KATNIP: variants seen among roughly 807,000 people sequenced by gnomAD.
The protein encoded by KATNIP is katanin interacting protein, also known as katanin-interacting protein.
Under a neutral mutation model 174.0 loss-of-function variants are expected in KATNIP, and 126 were observed. That is an observed-to-expected ratio of 0.72 (90% CI 0.63 to 0.84). The LOEUF (loss-of-function observed/expected upper bound fraction) is 0.84. Ranked by LOEUF, KATNIP falls within the 40% of genes least tolerant of loss-of-function variation. The pLI, the probability that KATNIP is intolerant of heterozygous loss-of-function variation, is 0.00. For missense variants in KATNIP, 1,958 were observed against 2,109.7 expected (o/e 0.93, Z 1.41); for synonymous variants, 810 against 835.7 (o/e 0.97, Z 0.53).
At chr16:27,645,848 C>G (rs2076943581) in intron 5 of KATNIP, among the ~76,000 whole-genome samples, 1 of 152,194 alleles carries the variant, frequency 6.6e-6, no homozygotes, top group South Asian at 2.1e-4. Context: ...TCGTAGACTT[C>G]TAACCACTAG....
chr16:27,586,918 C>CT (rs1370923352), intron 2 of KATNIP, among the ~76,000 whole-genome samples: 257 of 136,710 alleles, frequency 1.9e-3, no homozygotes, highest in Non-Finnish European at 2.4e-3. Flanking sequence ...ACTTCTTCTT[C>CT]TTTTTTTTTT....
intron 18 of KATNIP, among the ~76,000 whole-genome samples, chr16:27,760,081 C>G (rs1424327929): frequency 6.6e-6 from 1 of 152,138 alleles, no homozygotes; most frequent in Non-Finnish European, 1.5e-5. Context: ...GGTCAGGTGA[C>G]CCAGCCCCTC....
At chr16:27,710,273 G>A (rs1345222086) in intron 13 of KATNIP, among the ~76,000 whole-genome samples, 1 of 152,084 alleles carries the variant, frequency 6.6e-6, no homozygotes, top group Non-Finnish European at 1.5e-5. Flanking sequence ...CAGGAGAGTC[G>A]CTTGAACCTG....
chr16:27,623,622 G>C lies in KATNIP; in HGVS notation c.141-5039G>C, dbSNP rs543676547. On this transcript the variant is annotated intron_variant, in intron 3 of 27. Transcript: ENST00000261588. ...CTACATGTGCGGGCCACCACATCCA[G>C]CTAATTTTTTTAATGTTTATTATTA... is the stretch of plus-strand genomic sequence containing the variant. Among the ~76,000 whole-genome samples, 99 of 152,168 alleles carry C rather than the reference G, an allele frequency of 6.5e-4. 1 individual carries two copies. Among genetic ancestry groups the C allele is most frequent in the African/African-American group, 2.3e-3 (96 of 41,508 alleles).
chr16:27,606,666 T>C (rs944079890), intron 2 of KATNIP, among the ~76,000 whole-genome samples: 3 of 152,020 alleles, frequency 2.0e-5, no homozygotes, highest in Non-Finnish European at 4.4e-5. Flanking sequence ...ATTTGGCCTG[T>C]CTCTCATTGT....
rs370973891 is a variant in KATNIP at position 27,573,844 on chromosome 16, A to G, written c.8-57A>G. 4,470 of 1,534,704 alleles carry G rather than the reference A, an allele frequency of 2.9e-3. 167 individuals are homozygous for G. The South Asian group carries it at 0.048, about 16-fold the overall frequency. On this transcript the variant is annotated intron_variant, in intron 1 of 27. Coordinates refer to ENST00000261588, the MANE Select transcript of KATNIP (RefSeq NM_015202.5). Reference sequence around the variant, plus strand: ...TTGCAAATAAAAATCTTTTGTGTTGATAAACTAGCTGTTCTAAAACAGCCT... The same window carrying G: ...TTGCAAATAAAAATCTTTTGTGTTGGTAAACTAGCTGTTCTAAAACAGCCT...
chr16:27,648,232 G>A (rs2077015977), intron 5 of KATNIP, among the ~76,000 whole-genome samples: 1 of 151,858 alleles, frequency 6.6e-6, no homozygotes, highest in Non-Finnish European at 1.5e-5. Flanking sequence ...GGTAGAGGTT[G>A]CAGGGATCCA....
intron 7 of KATNIP, 125 bp downstream of exon 7, chr16:27,678,121 T>G (rs1405528222): frequency 9.2e-7 from 1 of 1,085,858 alleles, no homozygotes; most frequent in African/African-American, 1.6e-5. Context: ...CAGGGAGGTA[T>G]ATCAGTCAGG....
At chr16:27,600,765 T>C (rs535333658) in intron 2 of KATNIP, among the ~76,000 whole-genome samples, 5 of 151,696 alleles carry the variant, frequency 3.3e-5, no homozygotes, top group Non-Finnish European at 7.4e-5. Context: ...GTTTTAATCT[T>C]GTTTCCCAGG....
intron 6 of KATNIP, among the ~76,000 whole-genome samples, chr16:27,656,995 G>T (rs2077316316): frequency 6.6e-6 from 1 of 151,960 alleles, no homozygotes; most frequent in South Asian, 2.1e-4. Context: ...TCCTAGGGGT[G>T]TGAGGGAGAG....
chr16:27,617,007 G>GAT (rs926276097), intron 2 of KATNIP, among the ~76,000 whole-genome samples: 1 of 148,616 alleles, frequency 6.7e-6, no homozygotes, highest in Non-Finnish European at 1.5e-5. Flanking sequence ...CCCGGAGGAA[G>GAT]ATATATATAT....
chr16:27,698,512 G>C lies in KATNIP; in HGVS notation c.1113+12G>C, dbSNP rs762669979. 1.3e-6 allele frequency: 2 copies of C among 1,595,550 alleles called. No homozygotes were observed. Among genetic ancestry groups the C allele is most frequent in the Non-Finnish European group, 1.7e-6 (2 of 1,169,532 alleles). ...CCAGCCCACTGCAGGTGCGCTCCGGGCTGGGAGAGGAACCGGGGGATGCTC... is the reference window on the plus strand; with the variant it reads ...CCAGCCCACTGCAGGTGCGCTCCGGCCTGGGAGAGGAACCGGGGGATGCTC... On this transcript the variant is annotated intron_variant, in intron 9 of 27. Transcript: ENST00000261588.
chr16:27,604,658 G>A (rs1017374474), intron 2 of KATNIP, among the ~76,000 whole-genome samples: 1 of 152,220 alleles, frequency 6.6e-6, no homozygotes. Flanking sequence ...CAGAGGAAGT[G>A]TTCAGCCAAT....
chr16:27,773,462 T>A (rs917247954), intron 23 of KATNIP, among the ~76,000 whole-genome samples: 2 of 152,288 alleles, frequency 1.3e-5, no homozygotes, highest in South Asian at 4.1e-4. Flanking sequence ...TGAGAGAGGC[T>A]GCCAACTATA....
intron 8 of KATNIP, among the ~76,000 whole-genome samples, chr16:27,690,516 G>A (rs1001413764): frequency 9.2e-5 from 14 of 152,284 alleles, no homozygotes; most frequent in African/African-American, 3.1e-4. Flanking sequence ...GGAGGAATTC[G>A]TGGCCACTTG....
intron 20 of KATNIP, 139 bp from the exon 21 acceptor site, chr16:27,769,722 A>C: frequency 1.0e-6 from 1 of 981,132 alleles, no homozygotes; most frequent in Non-Finnish European, 1.5e-6. Context: ...CTGATATGGG[A>C]AATGGACCTC....
At chr16:27,772,514 A>G (rs2082341781) in intron 22 of KATNIP, among the ~76,000 whole-genome samples, 2 of 152,338 alleles carry the variant, frequency 1.3e-5, no homozygotes, top group South Asian at 4.1e-4. Context: ...AGGGCTGAGG[A>G]AAGGCTTGAT....
chr16:27,653,773 G>A (rs928876965), intron 6 of KATNIP, among the ~76,000 whole-genome samples: 10 of 150,996 alleles, frequency 6.6e-5, no homozygotes, highest in South Asian at 2.1e-4. Flanking sequence ...GTCATCCTGC[G>A]TCAGCCTCCC....
chr16:27,703,849 T>A (rs757658540), intron 11 of KATNIP, 47 bp from the exon 12 acceptor site: 41 of 1,359,952 alleles, frequency 3.0e-5, no homozygotes, highest in Non-Finnish European at 4.1e-5. Context: ...TTCTCTTTTG[T>A]GTATCATTTA....
Sources: allele counts gnomAD v4.1 joint callset (sites outside exome capture counted in the v4.1 genomes callset), GRCh38; gene constraint gnomAD v4.1.1; transcripts MANE v1.5; gene names NCBI Gene and HGNC (gene_info 2026-07-23, HGNC 2026-07-21).